ZC3H12B: variants seen among roughly 807,000 people sequenced by gnomAD.
The protein encoded by ZC3H12B is zinc finger CCCH-type containing 12B.
In ZC3H12B, 7 loss-of-function variants were observed where a neutral mutation model predicts 43.9. The observed-to-expected ratio is 0.16, with a 90% CI of 0.09 to 0.30. The LOEUF is 0.30. ZC3H12B is among the 10% of genes least tolerant of loss of function. The pLI, the probability that ZC3H12B is intolerant of heterozygous loss-of-function variation, is 1.00. For synonymous variants in ZC3H12B, 222 were observed against 241.7 expected (o/e 0.92, Z 0.76); for missense variants, 475 against 670.2 (o/e 0.71, Z 3.22).
At chrX:65,364,729 C>A (rs948195909), upstream of ZC3H12B, among the ~76,000 whole-genome samples, 2 of 111,608 alleles carry the variant, frequency 1.8e-5, no homozygotes, top group African/African-American at 6.5e-5. Context: ...CCTCTCATTT[C>A]TTTTCCATCA....
the ZC3H12B span, among the ~76,000 whole-genome samples, chrX:65,050,202 G>T: frequency 1.8e-5 from 2 of 110,248 alleles, no homozygotes; most frequent in Admixed American, 1.9e-4. Context: ...TGATTTTTTT[G>T]GATTGTTAAT....
intron 3 of ZC3H12B, among the ~76,000 whole-genome samples, chrX:65,481,803 CAACAAACAGCATGTTAGTTGAAATAAT>C (rs1403648605): frequency 8.9e-6 from 1 of 112,019 alleles, no homozygotes; most frequent in Non-Finnish European, 1.9e-5. Flanking sequence ...AAGGAAGTGA[CAACAAACAGCATGTTAGTTGAAATAAT>C]AACAATTAAA....
the ZC3H12B span, among the ~76,000 whole-genome samples, chrX:65,211,229 G>A: frequency 7.3e-5 from 8 of 108,930 alleles, no homozygotes; most frequent in Non-Finnish European, 1.1e-4. Context: ...TGGATAGATT[G>A]CGAAAATTTT....
upstream of ZC3H12B, among the ~76,000 whole-genome samples, chrX:65,365,961 T>A (rs1486379526): frequency 9.1e-6 from 1 of 110,437 alleles, no homozygotes; most frequent in Non-Finnish European, 1.9e-5. Context: ...ATAAACAGCC[T>A]AGTTGAAAAA....
At chrX:65,216,996 G>A in the ZC3H12B span, among the ~76,000 whole-genome samples, 1 of 111,595 alleles carries the variant, frequency 9.0e-6, no homozygotes, top group Non-Finnish European at 1.9e-5. Context: ...TACTGGGCTG[G>A]TCCAGGAGGT....
chrX:65,357,391 T>C, the ZC3H12B span: 10 of 203,933 alleles, frequency 4.9e-5, no homozygotes, highest in African/African-American at 3.0e-4. Flanking sequence ...AACACTACCA[T>C]AGTGTGGCGC....
chrX:65,073,383 A>G, the ZC3H12B span, among the ~76,000 whole-genome samples: 6,567 of 111,752 alleles, frequency 0.059, 194 homozygotes, highest in Non-Finnish European at 0.095. Context: ...CTGGCCAGGC[A>G]TGGTTCACCA....
At chrX:65,146,261 G>A in the ZC3H12B span, among the ~76,000 whole-genome samples, 1 of 111,110 alleles carries the variant, frequency 9.0e-6, no homozygotes, top group Non-Finnish European at 1.9e-5. Flanking sequence ...TTATTTTACA[G>A]GTATAATTCT....
the ZC3H12B span, among the ~76,000 whole-genome samples, chrX:65,248,073 C>T: frequency 1.1e-4 from 12 of 110,933 alleles, no homozygotes; most frequent in African/African-American, 3.9e-4. Flanking sequence ...GGTGGAGTCT[C>T]GCTCTGTCAC....
upstream of ZC3H12B, among the ~76,000 whole-genome samples, chrX:65,365,624 T>TTTTG (rs1438001800): frequency 9.0e-6 from 1 of 111,241 alleles, no homozygotes; most frequent in African/African-American, 3.3e-5. Context: ...TTCACCACTA[T>TTTTG]TTTGTTTTGT....
At chrX:65,217,801 A>G in the ZC3H12B span, among the ~76,000 whole-genome samples, 1 of 111,770 alleles carries the variant, frequency 8.9e-6, no homozygotes, top group South Asian at 3.7e-4. Context: ...TGCCTACAAG[A>G]TCTAGAAAAA....
the ZC3H12B span, among the ~76,000 whole-genome samples, chrX:65,070,816 GT>G: frequency 4.7e-3 from 264 of 56,032 alleles, no homozygotes; most frequent in Non-Finnish European, 7.2e-3. Flanking sequence ...TATGATTTCT[GT>G]TTTTTTTTTT....
At chrX:65,292,351 A>G in the ZC3H12B span, among the ~76,000 whole-genome samples, 94 of 112,225 alleles carry the variant, frequency 8.4e-4, no homozygotes, top group South Asian at 0.011. Context: ...GCTGGAGGCC[A>G]TAATCCTTTG....
At chrX:65,385,645 C>A (rs1032315355) in intron 2 of ZC3H12B, among the ~76,000 whole-genome samples, 3 of 110,549 alleles carry the variant, frequency 2.7e-5, no homozygotes, top group Non-Finnish European at 5.7e-5. Flanking sequence ...TTTTTTTATC[C>A]TGCATGATTG....
the ZC3H12B span, among the ~76,000 whole-genome samples, chrX:65,137,175 A>T: frequency 8.9e-5 from 10 of 111,976 alleles, no homozygotes; most frequent in South Asian, 3.7e-3. Context: ...TTTATAATGT[A>T]AAAAAAATCA....
At chrX:65,146,044 G>A in the ZC3H12B span, among the ~76,000 whole-genome samples, 2 of 111,310 alleles carry the variant, frequency 1.8e-5, no homozygotes. Flanking sequence ...CAAGTCCAGG[G>A]AAGTTTTCCT....
At chrX:65,195,666 T>C in the ZC3H12B span, among the ~76,000 whole-genome samples, 1 of 112,518 alleles carries the variant, frequency 8.9e-6, no homozygotes, top group East Asian at 2.8e-4. Context: ...TTTGCATAGC[T>C]TCAGATTGCT....
At chrX:65,257,127 C>G in the ZC3H12B span, among the ~76,000 whole-genome samples, 50 of 112,147 alleles carry the variant, frequency 4.5e-4, no homozygotes, top group African/African-American at 1.5e-3. Context: ...GATTATAAAC[C>G]ATGCTGCCAT....
chrX:65,430,350 T>A (rs1356036434), intron 3 of ZC3H12B, among the ~76,000 whole-genome samples: 5 of 110,254 alleles, frequency 4.5e-5, no homozygotes, highest in Non-Finnish European at 7.6e-5. Context: ...ACTTCTTTTT[T>A]TTTTTTTTTA....
Sources: allele counts gnomAD v4.1 joint callset (sites outside exome capture counted in the v4.1 genomes callset), GRCh38; gene constraint gnomAD v4.1.1; transcripts MANE v1.5; gene names NCBI Gene and HGNC (gene_info 2026-07-23, HGNC 2026-07-21).